Variants in ADGRL3 observed in about 807,000 individuals in gnomAD.
ADGRL3 encodes the protein adhesion G protein-coupled receptor L3.
Under a neutral mutation model 153.5 loss-of-function variants are expected in ADGRL3, and 62 were observed. That is an observed-to-expected ratio of 0.40 (90% CI 0.33 to 0.50). ADGRL3 has a LOEUF of 0.50. Among genes scored for constraint, ADGRL3 ranks in the 20% least tolerant of loss-of-function variants. The pLI, the probability that ADGRL3 is intolerant of heterozygous loss-of-function variation, is 0.47. For synonymous variants in ADGRL3, 710 were observed against 672.5 expected, an observed-to-expected ratio of 1.06 and a Z score of -0.86; for missense variants, 1,641 against 1,859.4, an observed-to-expected ratio of 0.88 and a Z score of 2.16.
intron 5 of ADGRL3, among the ~76,000 whole-genome samples, chr4:61,637,660 C>G (rs951872249): frequency 6.6e-6 from 1 of 152,090 alleles, no homozygotes; most frequent in African/African-American, 2.4e-5. Flanking sequence ...ACTCGTGAGG[C>G]TGAGGCACAA....
At chr4:62,042,533 A>G (rs934450718) in intron 24 of ADGRL3, among the ~76,000 whole-genome samples, 5 of 152,036 alleles carry the variant, frequency 3.3e-5, no homozygotes, top group Non-Finnish European at 7.4e-5. Context: ...CATGCCTGGC[A>G]TGTTAGAGAA....
At chr4:61,253,448 T>C (rs986909003) in intron 1 of ADGRL3, among the ~76,000 whole-genome samples, 1 of 152,104 alleles carries the variant, frequency 6.6e-6, no homozygotes, top group Non-Finnish European at 1.5e-5. Flanking sequence ...AGTATTCTCT[T>C]ACTCCATTGA....
At chr4:61,668,082 A>G (rs1354943828) in intron 5 of ADGRL3, among the ~76,000 whole-genome samples, 3 of 152,228 alleles carry the variant, frequency 2.0e-5, no homozygotes, top group African/African-American at 4.8e-5. Flanking sequence ...CTTTTCATAT[A>G]TGATGAAACT....
At chr4:62,034,364 T>G (rs950595729) in intron 23 of ADGRL3, among the ~76,000 whole-genome samples, 1 of 151,902 alleles carries the variant, frequency 6.6e-6, no homozygotes, top group African/African-American at 2.4e-5. Context: ...TGCCAGGCCC[T>G]AATTTTGAAC....
intron 4 of ADGRL3, among the ~76,000 whole-genome samples, chr4:61,586,347 C>G (rs2098946594): frequency 6.6e-6 from 1 of 151,908 alleles, no homozygotes; most frequent in Non-Finnish European, 1.5e-5. Context: ...CAAGACCTTT[C>G]AGGATGTCCA....
chr4:61,415,414 G>A (rs1314929937), intron 2 of ADGRL3, among the ~76,000 whole-genome samples: 2 of 152,014 alleles, frequency 1.3e-5, no homozygotes, highest in Admixed American at 1.3e-4. Flanking sequence ...TTCCAACACA[G>A]TGTATCCAAA....
chr4:61,260,099 T>C (rs1365267156), intron 1 of ADGRL3, among the ~76,000 whole-genome samples: 2 of 152,144 alleles, frequency 1.3e-5, no homozygotes, highest in Non-Finnish European at 1.5e-5. Context: ...CCATTCAAGG[T>C]CAGAGTTGGG....
At chr4:61,855,265 T>A (rs1169422650) in intron 9 of ADGRL3, among the ~76,000 whole-genome samples, 2 of 152,182 alleles carry the variant, frequency 1.3e-5, no homozygotes, top group Admixed American at 6.5e-5. Context: ...TGTAATAAAC[T>A]AGGAACTATC....
chr4:61,446,658 AT>A (rs147358542), intron 2 of ADGRL3, among the ~76,000 whole-genome samples: 259 of 152,328 alleles, frequency 1.7e-3, no homozygotes, highest in African/African-American at 5.9e-3. Context: ...TCATATCCAC[AT>A]TTGACCTTAG....
chr4:61,762,112 A>G (rs2096919945), intron 8 of ADGRL3, among the ~76,000 whole-genome samples: 1 of 152,224 alleles, frequency 6.6e-6, no homozygotes, highest in Admixed American at 6.5e-5. Flanking sequence ...TGTAAATGAC[A>G]AAAGACTTAA....
At chr4:61,645,865 A>G (rs897202505) in intron 5 of ADGRL3, among the ~76,000 whole-genome samples, 2 of 152,152 alleles carry the variant, frequency 1.3e-5, no homozygotes, top group African/African-American at 4.8e-5. Context: ...CTCCTGGATA[A>G]TATCCTGCAG....
chr4:61,761,571 A>G (rs951128874), intron 8 of ADGRL3, among the ~76,000 whole-genome samples: 5 of 152,132 alleles, frequency 3.3e-5, no homozygotes, highest in African/African-American at 1.2e-4. Flanking sequence ...ACACAGGAGG[A>G]TTGCTTGAAG....
At chr4:61,539,625 C>T (rs1184186610) in intron 4 of ADGRL3, among the ~76,000 whole-genome samples, 2 of 152,102 alleles carry the variant, frequency 1.3e-5, no homozygotes, top group East Asian at 1.9e-4. Flanking sequence ...TGGTGTGCAT[C>T]GTCTCAGTTC....
chr4:61,871,238 A>C (rs982461289), intron 9 of ADGRL3, among the ~76,000 whole-genome samples: 7 of 151,862 alleles, frequency 4.6e-5, no homozygotes, highest in African/African-American at 9.7e-5. Context: ...AGATCGCACC[A>C]CTGCACTCCA....
intron 25 of ADGRL3, among the ~76,000 whole-genome samples, chr4:62,046,624 AAATT>A (rs1731262949): frequency 2.0e-5 from 3 of 152,112 alleles, no homozygotes; most frequent in East Asian, 3.9e-4. Flanking sequence ...GACGTTGAAT[AAATT>A]AATTTAATGA....
chr4:61,318,714 C>A (rs2095289882), intron 1 of ADGRL3, among the ~76,000 whole-genome samples: 1 of 152,110 alleles, frequency 6.6e-6, no homozygotes, highest in Non-Finnish European at 1.5e-5. Flanking sequence ...TCTGCACCAC[C>A]CTAGTACACT....
chr4:62,007,452 A>ATGTATATATGTATATATATGTGTGTG, intron 21 of ADGRL3, among the ~76,000 whole-genome samples: 2 of 131,904 alleles, frequency 1.5e-5, no homozygotes, highest in South Asian at 2.3e-4. Flanking sequence ...ACACACATAT[A>ATGTATATATGTATATATATGTGTGTG]TATACATATA....
At chr4:61,307,599 G>T (rs1424580768) in intron 1 of ADGRL3, among the ~76,000 whole-genome samples, 1 of 152,120 alleles carries the variant, frequency 6.6e-6, no homozygotes, top group African/African-American at 2.4e-5. Flanking sequence ...AGATACGTTT[G>T]TGAATTGCAA....
chr4:61,383,629 A>C (rs1393903730), intron 2 of ADGRL3, among the ~76,000 whole-genome samples: 1 of 151,818 alleles, frequency 6.6e-6, no homozygotes, highest in Non-Finnish European at 1.5e-5. Context: ...TAATTCATTC[A>C]GTTTTCAATT....
Sources: allele counts gnomAD v4.1 joint callset (sites outside exome capture counted in the v4.1 genomes callset), GRCh38; gene constraint gnomAD v4.1.1; transcripts MANE v1.5; gene names NCBI Gene and HGNC (gene_info 2026-07-23, HGNC 2026-07-21).